TSPAN9: variants seen among roughly 807,000 people sequenced by gnomAD.
The protein encoded by TSPAN9 is tetraspanin 9.
A neutral mutation model predicts 31.0 loss-of-function variants in TSPAN9; 16 were observed. The observed-to-expected ratio is 0.52, with a 90% CI of 0.35 to 0.78. The LOEUF is 0.78. TSPAN9 is among the 30% of genes least tolerant of loss of function. The pLI, the probability that TSPAN9 is intolerant of heterozygous loss-of-function variation, is 0.01. For missense variants in TSPAN9, 272 were observed against 312.5 expected, an observed-to-expected ratio of 0.87 and a Z score of 0.98; for synonymous variants, 145 against 121.6, an observed-to-expected ratio of 1.19 and a Z score of -1.27.
At chr12:3,180,772 ACAT>A (rs1343718800) in intron 2 of TSPAN9, among the ~76,000 whole-genome samples, 2 of 152,222 alleles carry the variant, frequency 1.3e-5, no homozygotes, top group African/African-American at 4.8e-5. Context: ...CATCACCTTA[ACAT>A]CACCTTTCTA....
chr12:3,208,628 G>A (rs1026179622), intron 3 of TSPAN9, among the ~76,000 whole-genome samples: 3 of 152,312 alleles, frequency 2.0e-5, no homozygotes, highest in South Asian at 2.1e-4. Context: ...CTCCAGGTCC[G>A]GGTCACTTTC....
At chr12:3,252,815 G>A (rs551613501) in intron 3 of TSPAN9, among the ~76,000 whole-genome samples, 2 of 152,370 alleles carry the variant, frequency 1.3e-5, no homozygotes, top group South Asian at 4.1e-4. Context: ...GGCTGAGTGA[G>A]CGGGCTGCTG....
At chr12:3,169,501 C>G (rs1210189962) in intron 2 of TSPAN9, among the ~76,000 whole-genome samples, 1 of 152,224 alleles carries the variant, frequency 6.6e-6, no homozygotes, top group Non-Finnish European at 1.5e-5. Flanking sequence ...TACCTGCCCT[C>G]CCTACCGCCC....
intron 3 of TSPAN9, among the ~76,000 whole-genome samples, chr12:3,237,281 C>CTGGGCTTGCCTCCTGA (rs146676815): frequency 0.24 from 36,808 of 151,650 alleles, 4,396 homozygotes; most frequent in South Asian, 0.3. Flanking sequence ...ACAGATATTC[C>CTGGGCTTGCCTCCTGA]TGGGCTTGCC....
At chr12:3,089,149 A>C (rs566185691) in intron 2 of TSPAN9, among the ~76,000 whole-genome samples, 1 of 149,602 alleles carries the variant, frequency 6.7e-6, no homozygotes, top group Admixed American at 6.6e-5. Context: ...GGAGAATGGC[A>C]TGAACCTGGG....
intron 3 of TSPAN9, among the ~76,000 whole-genome samples, chr12:3,258,762 T>C (rs760138469): frequency 6.6e-5 from 10 of 152,210 alleles, no homozygotes. Flanking sequence ...TGGGTTGACC[T>C]GGGGCCAGAC....
intron 3 of TSPAN9, among the ~76,000 whole-genome samples, chr12:3,257,777 A>AGGGGG (rs1862376857): frequency 6.4e-5 from 9 of 140,966 alleles, no homozygotes; most frequent in Non-Finnish European, 9.1e-5. Flanking sequence ...CGGGAGGGGT[A>AGGGGG]GGGGGGCGGC....
At chr12:3,130,760 G>A (rs960884441) in intron 2 of TSPAN9, among the ~76,000 whole-genome samples, 2 of 152,154 alleles carry the variant, frequency 1.3e-5, no homozygotes, top group Admixed American at 6.5e-5. Context: ...ACACACGGCC[G>A]TGCTCTAAAA....
intron 2 of TSPAN9, among the ~76,000 whole-genome samples, chr12:3,119,797 G>T (rs2098324232): frequency 6.6e-6 from 1 of 152,198 alleles, no homozygotes; most frequent in African/African-American, 2.4e-5. Context: ...CTGTGGGGAG[G>T]TGTTGGCTCT....
intron 3 of TSPAN9, among the ~76,000 whole-genome samples, chr12:3,256,548 C>T (rs1381776648): frequency 2.0e-5 from 3 of 152,172 alleles, no homozygotes; most frequent in Non-Finnish European, 2.9e-5. Context: ...TCGTCGATTT[C>T]GGGAGCGGCC....
At chr12:3,211,683 A>G (rs2098378804) in intron 3 of TSPAN9, 3 of 1,574,578 alleles carry the variant, frequency 1.9e-6, no homozygotes, top group Admixed American at 1.7e-5. Flanking sequence ...TTCCTCCTGA[A>G]GGAACATCCT....
chr12:3,162,952 TCCTC>T (rs760752331), intron 2 of TSPAN9, among the ~76,000 whole-genome samples: 1 of 152,164 alleles, frequency 6.6e-6, no homozygotes, highest in Non-Finnish European at 1.5e-5. Flanking sequence ...GTCTTCTCCT[TCCTC>T]CCACTGTGGA....
intron 2 of TSPAN9, among the ~76,000 whole-genome samples, chr12:3,105,803 T>TGC (rs757580310): frequency 1.0e-5 from 1 of 100,398 alleles, no homozygotes; most frequent in Non-Finnish European, 2.4e-5. Context: ...CACGCACACA[T>TGC]GCGCACACAC....
chr12:3,254,543 A>T (rs947963645), intron 3 of TSPAN9, among the ~76,000 whole-genome samples: 1 of 152,020 alleles, frequency 6.6e-6, no homozygotes, highest in African/African-American at 2.4e-5. Context: ...AAAATGGATG[A>T]CTCCTGGGTT....
At chr12:3,235,123 CAGTGAGCAGAGCTT>C (rs2098392707) in intron 3 of TSPAN9, among the ~76,000 whole-genome samples, 1 of 72,050 alleles carries the variant, frequency 1.4e-5, no homozygotes, top group Non-Finnish European at 3.2e-5. Flanking sequence ...GCGGAGCTTG[CAGTGAGCAGAGCTT>C]GCGCCACTGC....
intron 3 of TSPAN9, among the ~76,000 whole-genome samples, chr12:3,250,715 C>T (rs1044398989): frequency 6.6e-6 from 1 of 152,264 alleles, no homozygotes; most frequent in African/African-American, 2.4e-5. Flanking sequence ...TTGGCTGGCT[C>T]AGGGTGCAGT....
chr12:3,177,706 T>TAC (rs1231855499), intron 2 of TSPAN9, among the ~76,000 whole-genome samples: 2 of 152,236 alleles, frequency 1.3e-5, no homozygotes. Context: ...GTACTGGGAT[T>TAC]ACAGGTGTGA....
chr12:3,185,546 C>T (rs905685303), intron 2 of TSPAN9, among the ~76,000 whole-genome samples: 5 of 151,814 alleles, frequency 3.3e-5, no homozygotes, highest in African/African-American at 4.8e-5. Flanking sequence ...AGGGGATGAC[C>T]AGTCTCCCCC....
chr12:3,104,376 A>G (rs2098313248), intron 2 of TSPAN9, among the ~76,000 whole-genome samples: 1 of 151,448 alleles, frequency 6.6e-6, no homozygotes, highest in Non-Finnish European at 1.5e-5. Flanking sequence ...GTTTTGAGGT[A>G]GGGTCTCACT....
Sources: gnomAD v4.1 joint callset for allele counts (sites outside exome capture counted in the v4.1 genomes callset) on GRCh38, gnomAD v4.1.1 for gene constraint, MANE v1.5 for transcripts, NCBI Gene and HGNC (gene_info 2026-07-23, HGNC 2026-07-21) for gene names.